Variants in PIK3C2G observed in about 807,000 individuals in gnomAD.
PIK3C2G encodes the protein phosphatidylinositol 3-kinase C2 domain-containing subunit gamma.
Under a neutral mutation model 181.1 loss-of-function variants are expected in PIK3C2G, and 168 were observed. The observed-to-expected ratio is 0.93, with a 90% CI of 0.82 to 1.05. The LOEUF (loss-of-function observed/expected upper bound fraction) is 1.05, where lower values mean the gene tolerates loss of function less well. PIK3C2G is among the 50% of genes least tolerant of loss of function. The pLI, the probability that PIK3C2G is intolerant of heterozygous loss-of-function variation, is 0.00. For missense variants in PIK3C2G, 1,869 were observed against 1,732.8 expected, an observed-to-expected ratio of 1.08 and a Z score of -1.40; for synonymous variants, 573 against 592.2, an observed-to-expected ratio of 0.97 and a Z score of 0.47.
In PIK3C2G at chr12:18,563,424, A is replaced by T. The variant is rs748400778; in HGVS notation, c.3828A>T (p.Thr1276=). The T allele has an allele frequency of 6.2e-7, 1 of 1,613,764 alleles. No individual in the cohort carries two copies. The highest frequency in any genetic ancestry group is 1.1e-5 in the South Asian group (1 of 91,068). ...VTHSNNETSL[T]EKSFEQFSKL... is the part of the protein sequence containing the mutation. ...ACAGCAACAACGAAACAAGCCTGAC[A>T]GAAAAATCATTTGAGCAGTTTTCAA... Residue 1276 remains threonine, a synonymous_variant, in exon 28 of 33, where the codon ACA becomes ACT. Transcript: ENST00000538779.
chr12:18,514,204 A>G lies in PIK3C2G; in HGVS notation c.3323+8743A>G, dbSNP rs981948315. Among the ~76,000 whole-genome samples, 8 of 151,998 alleles carry G rather than the reference A, an allele frequency of 5.3e-5. No homozygotes were observed. The South Asian group carries it at 1.7e-3, about 31-fold the overall frequency. On this transcript the variant is annotated intron_variant, in intron 24 of 32. Transcript: ENST00000538779. The stretch of plus-strand genomic sequence containing the variant: ...ATTGTGATCCAAAAATATACTTAAT[A>G]TAATTTCAATCACCTTGAATTTGTT...
chr12:18,632,260 A>C (rs532655534), intron 31 of PIK3C2G, among the ~76,000 whole-genome samples: 1 of 152,316 alleles, frequency 6.6e-6, no homozygotes, highest in South Asian at 2.1e-4. Context: ...TTTAATTCCT[A>C]GGAAATAAAA....
intron 13 of PIK3C2G, among the ~76,000 whole-genome samples, chr12:18,377,280 T>C (rs1942516996): frequency 6.6e-6 from 1 of 152,240 alleles, no homozygotes; most frequent in African/African-American, 2.4e-5. Context: ...TCTGTTCTCC[T>C]GGTGTCACAA....
intron 24 of PIK3C2G, among the ~76,000 whole-genome samples, chr12:18,534,150 A>G (rs1049293209): frequency 5.3e-5 from 8 of 151,566 alleles, no homozygotes; most frequent in African/African-American, 1.9e-4. Context: ...GGGTTTCACC[A>G]TGTTGCTCAG....
At chr12:18,338,663 CTG>C (rs199613361) in intron 9 of PIK3C2G, 115 bp downstream of exon 9, 57,409 of 410,490 alleles carry the variant, frequency 0.14, 1,746 homozygotes, top group Middle Eastern at 0.17. Flanking sequence ...TTGTGTGTAT[CTG>C]TGTGTGTGTG....
intron 13 of PIK3C2G, among the ~76,000 whole-genome samples, chr12:18,371,518 G>C (rs1942062713): frequency 6.6e-6 from 1 of 152,136 alleles, no homozygotes; most frequent in South Asian, 2.1e-4. Flanking sequence ...TGCTGAACTT[G>C]TCAGCTGGAT....
At chr12:18,696,073 C>T in the PIK3C2G span, 34 of 809,496 alleles carry the variant, frequency 4.2e-5, no homozygotes, top group Middle Eastern at 2.2e-3. Context: ...GCCCTTTTCA[C>T]GAGTTTTTCA....
chr12:18,394,658 T>TA (rs1415424978), intron 15 of PIK3C2G, among the ~76,000 whole-genome samples: 1 of 151,894 alleles, frequency 6.6e-6, no homozygotes, highest in Non-Finnish European at 1.5e-5. Flanking sequence ...AATATTTGTT[T>TA]AAAAAATCAG....
At chr12:18,378,948 C>T (rs1184218865) in intron 13 of PIK3C2G, among the ~76,000 whole-genome samples, 1 of 152,162 alleles carries the variant, frequency 6.6e-6, no homozygotes, top group Non-Finnish European at 1.5e-5. Context: ...TTGTGGAAGA[C>T]AGTATGGCGA....
chr12:18,611,861 T>C (rs919628136), intron 31 of PIK3C2G, among the ~76,000 whole-genome samples: 1 of 152,148 alleles, frequency 6.6e-6, no homozygotes, highest in Non-Finnish European at 1.5e-5. Context: ...CATCTCTTAC[T>C]TGAATTACTG....
intron 1 of PIK3C2G, among the ~76,000 whole-genome samples, chr12:18,274,651 T>G (rs1361141505): frequency 1.3e-5 from 2 of 151,818 alleles, no homozygotes; most frequent in Non-Finnish European, 2.9e-5. Flanking sequence ...CAGGGACTGT[T>G]GTGGGGTGGG....
intron 5 of PIK3C2G, among the ~76,000 whole-genome samples, chr12:18,306,802 G>T (rs1374033346): frequency 6.6e-6 from 1 of 151,828 alleles, no homozygotes; most frequent in Non-Finnish European, 1.5e-5. Context: ...TTTTCTTAAA[G>T]AAATACCTTC....
chr12:18,425,386 C>CTTTTTTTTTTTTTTTTTTTTT (rs1228477062), intron 18 of PIK3C2G, among the ~76,000 whole-genome samples: 1 of 65,312 alleles, frequency 1.5e-5, no homozygotes, highest in African/African-American at 6.1e-5. Context: ...ACAGACATTT[C>CTTTTTTTTTTTTTTTTTTTTT]TTTTTTTTTT....
chr12:18,351,154 A>G (rs978435467), intron 11 of PIK3C2G, among the ~76,000 whole-genome samples: 1 of 152,138 alleles, frequency 6.6e-6, no homozygotes, highest in African/African-American at 2.4e-5. Flanking sequence ...AAAAATAAAT[A>G]TATTCATAAA....
chr12:18,650,493 C>A (rs2136883001), downstream of PIK3C2G, among the ~76,000 whole-genome samples: 2 of 148,768 alleles, frequency 1.3e-5, no homozygotes, highest in South Asian at 2.1e-4. Context: ...TAAATGTTTT[C>A]CTGTGTATGA....
rs759572822 is a variant in PIK3C2G, at chr12:18,282,755, T to C, written c.674T>C (p.Ile225Thr). 1.9e-6 allele frequency: 3 copies of C among 1,577,898 alleles called. No homozygotes were observed. The highest frequency in any genetic ancestry group is 1.7e-6 in the Non-Finnish European group (2 of 1,157,766). ...GMWESTWQKN[I>T]ESIGCSIQLV... The stretch of plus-strand genomic sequence containing the variant: ...TGGGAAAGTACATGGCAGAAGAATA[T>C]AGAGGTAAGTATAATACATGTCAAT... Residue 225 changes from isoleucine to threonine, a missense_variant, in exon 2 of 33, where the codon ATA (isoleucine) becomes ACA (threonine). Ile to Thr is a moderately conservative substitution (Grantham distance 89). Coordinates refer to ENST00000538779, the MANE Select transcript of PIK3C2G (RefSeq NM_001288772.2).
chr12:18,343,921 A>G (rs1939395920), intron 10 of PIK3C2G, among the ~76,000 whole-genome samples: 1 of 150,098 alleles, frequency 6.7e-6, no homozygotes, highest in Non-Finnish European at 1.5e-5. Flanking sequence ...GTGAGATTGC[A>G]TGGGACGGAG....
intron 5 of PIK3C2G, among the ~76,000 whole-genome samples, chr12:18,313,329 T>A (rs1018756366): frequency 6.6e-6 from 1 of 152,168 alleles, no homozygotes; most frequent in Admixed American, 6.5e-5. Flanking sequence ...CCAGTAGAAA[T>A]TTCTGAAATA....
chr12:18,566,723 G>C (rs929901632), intron 28 of PIK3C2G, among the ~76,000 whole-genome samples: 1 of 152,030 alleles, frequency 6.6e-6, no homozygotes, highest in African/African-American at 2.4e-5. Context: ...TGAATTTAAT[G>C]TGTCAAATTA....
Sources: gnomAD v4.1 joint callset for allele counts (sites outside exome capture counted in the v4.1 genomes callset) on GRCh38, gnomAD v4.1.1 for gene constraint, MANE v1.5 for transcripts, NCBI Gene and HGNC (gene_info 2026-07-23, HGNC 2026-07-21) for gene names.